Variants in TMPRSS11E observed in about 807,000 individuals in gnomAD.
The protein encoded by TMPRSS11E is transmembrane protease serine 11E.
Under a neutral mutation model 48.1 loss-of-function variants are expected in TMPRSS11E, and 38 were observed. That is an observed-to-expected ratio of 0.79 (90% CI 0.61 to 1.04). TMPRSS11E has a LOEUF of 1.04. TMPRSS11E is among the 50% of genes least tolerant of loss of function. The pLI is 0.00. For missense variants in TMPRSS11E, 530 were observed against 510.8 expected (o/e 1.04, Z -0.36); for synonymous variants, 158 against 171.9 (o/e 0.92, Z 0.63).
intron 9 of TMPRSS11E, among the ~76,000 whole-genome samples, chr4:68,483,283 C>G (rs1391073275): frequency 2.0e-5 from 3 of 152,060 alleles, no homozygotes; most frequent in Admixed American, 6.6e-5. Flanking sequence ...GTGCCACACA[C>G]TTTTAAACAA....
chr4:68,464,969 T>C (rs571540024), intron 2 of TMPRSS11E, among the ~76,000 whole-genome samples: 8 of 152,198 alleles, frequency 5.3e-5, no homozygotes, highest in Non-Finnish European at 1.2e-4. Context: ...TCTAGAAGAA[T>C]GGATACAACT....
intron 2 of TMPRSS11E, among the ~76,000 whole-genome samples, chr4:68,464,847 G>T (rs1728885237): frequency 6.6e-6 from 1 of 152,130 alleles, no homozygotes; most frequent in Admixed American, 6.5e-5. Context: ...TCACTTGCTA[G>T]CTTGTTAGAA....
intron 9 of TMPRSS11E, among the ~76,000 whole-genome samples, chr4:68,494,949 T>G (rs1226626140): frequency 6.6e-6 from 1 of 152,196 alleles, no homozygotes; most frequent in African/African-American, 2.4e-5. Flanking sequence ...GTACAGGCAC[T>G]CAGGCATTTT....
At chr4:68,486,196 T>C (rs1729546864) in intron 9 of TMPRSS11E, among the ~76,000 whole-genome samples, 1 of 152,196 alleles carries the variant, frequency 6.6e-6, no homozygotes, top group Non-Finnish European at 1.5e-5. Context: ...GGGGTTCACT[T>C]ACTCTTGTTT....
intron 1 of TMPRSS11E, among the ~76,000 whole-genome samples, chr4:68,455,362 T>A (rs1382220432): frequency 6.6e-6 from 1 of 151,962 alleles, no homozygotes; most frequent in Non-Finnish European, 1.5e-5. Flanking sequence ...CGCTGATTTT[T>A]TAACATGTGA....
rs183819799 is a variant in TMPRSS11E at position 68,474,665 on chromosome 4, C to T, written c.491-58C>T. ...GCAGCCTTTTAGTATTTGAAATACT[C>T]GGAGGCATAGTGTAACTCTGATGTG... On this transcript the variant is annotated intron_variant, in intron 5 of 9. Transcript: ENST00000305363. 3.7e-5 allele frequency: 56 copies of T among 1,494,732 alleles called. 1 individual carries two copies. The highest frequency in any genetic ancestry group is 1.7e-4 in the South Asian group (14 of 81,592). The allele number at this position is 1,494,732 out of a possible 1,614,324, so 92.6% of individuals were successfully genotyped here.
At chr4:68,454,766 G>A (rs1158242291) in intron 1 of TMPRSS11E, among the ~76,000 whole-genome samples, 1 of 151,910 alleles carries the variant, frequency 6.6e-6, no homozygotes, top group Admixed American at 6.6e-5. Flanking sequence ...CAAGGTGTCA[G>A]CATGTGGCCC....
At chr4:68,462,092 T>A in intron 2 of TMPRSS11E, 147 bp downstream of exon 2, 1 of 1,021,676 alleles carries the variant, frequency 9.8e-7, no homozygotes, top group Non-Finnish European at 1.5e-6. Flanking sequence ...CTTTCTCTCT[T>A]ATTTAGTCCT....
chr4:68,451,067 G>A (rs189465118), intron 1 of TMPRSS11E, among the ~76,000 whole-genome samples: 1 of 151,836 alleles, frequency 6.6e-6, no homozygotes, highest in Non-Finnish European at 1.5e-5. Context: ...TTCCGTATTA[G>A]CACTGAGATT....
chr4:68,477,455 T>C lies in TMPRSS11E; in HGVS notation c.794T>C (p.Val265Ala). Residue 265 changes from valine (V) to alanine (A), a missense_variant, in exon 8 of 10, where the codon GTC becomes GCC. Physicochemically the swap from Val to Ala is moderately conservative, Grantham distance 64. Coordinates refer to ENST00000305363, the MANE Select transcript of TMPRSS11E (RefSeq NM_014058.4). ...AAACGGGGTCTCCGGAGAATAATTG[T>C]CCATGAAAAATACAAACACCCATCA... ...KMKRGLRRII[V>A]HEKYKHPSHD... 6.2e-7 allele frequency: 1 copy of C among 1,614,116 alleles called. No individual in the cohort carries two copies. The highest frequency in any genetic ancestry group is 8.5e-7 in the Non-Finnish European group (1 of 1,179,984).
intron 9 of TMPRSS11E, among the ~76,000 whole-genome samples, chr4:68,485,247 A>G (rs181887479): frequency 1.3e-5 from 2 of 152,078 alleles, no homozygotes; most frequent in African/African-American, 4.8e-5. Flanking sequence ...CCCAGGTTCT[A>G]GTGATTCTCC....
chr4:68,455,048 A>G (rs1728591915), intron 1 of TMPRSS11E, among the ~76,000 whole-genome samples: 1 of 151,910 alleles, frequency 6.6e-6, no homozygotes, highest in East Asian at 1.9e-4. Context: ...CTATCTATAC[A>G]TTTGTACCCC....
intron 4 of TMPRSS11E, among the ~76,000 whole-genome samples, chr4:68,470,345 A>T (rs1729031143): frequency 6.6e-6 from 1 of 151,748 alleles, no homozygotes; most frequent in Non-Finnish European, 1.5e-5. Flanking sequence ...ATCACCACTG[A>T]TGCAAAAGAT....
At chr4:68,461,707 C>G (rs1560548730) in intron 1 of TMPRSS11E, 114 bp from the exon 2 acceptor site, 4 of 1,505,212 alleles carry the variant, frequency 2.7e-6, no homozygotes, top group African/African-American at 1.4e-5. Flanking sequence ...TAAACCCAGA[C>G]AGTACACGAC....
intron 9 of TMPRSS11E, among the ~76,000 whole-genome samples, chr4:68,488,644 T>C (rs36124964): frequency 0.51 from 76,684 of 151,642 alleles, 21,567 homozygotes; most frequent in Non-Finnish European, 0.65. Flanking sequence ...GTTAATGCCA[T>C]TCTCCTGCCT....
chr4:68,464,548 A>G (rs1341845798), intron 2 of TMPRSS11E, among the ~76,000 whole-genome samples: 1 of 152,206 alleles, frequency 6.6e-6, no homozygotes, highest in Non-Finnish European at 1.5e-5. Flanking sequence ...AACATATTTT[A>G]GTAACTACTC....
At chr4:68,484,283 C>T (rs1729491692) in intron 9 of TMPRSS11E, among the ~76,000 whole-genome samples, 1 of 152,066 alleles carries the variant, frequency 6.6e-6, no homozygotes, top group Non-Finnish European at 1.5e-5. Context: ...AACTGTTTTA[C>T]CATTTGTTTG....
chr4:68,480,326 C>T (rs189434693), intron 9 of TMPRSS11E, among the ~76,000 whole-genome samples: 7 of 152,062 alleles, frequency 4.6e-5, no homozygotes, highest in Admixed American at 2.0e-4. Flanking sequence ...TTTTTGCACT[C>T]TAGTTTCTCT....
Position 68,474,574 on chromosome 4 carries a change from C to T in TMPRSS11E, c.491-149C>T, listed in dbSNP as rs138425061. On this transcript the variant is annotated intron_variant, in intron 5 of 9. Transcript: ENST00000305363. ...CATTCTCTGCAATGTGATGATCATC[C>T]TATGTCTATGACAAGCTATGTTGCC... 1.5e-4 allele frequency: 110 copies of T among 743,204 alleles called. No homozygotes were observed. The African/African-American group carries it at 1.7e-3, about 12-fold the overall frequency. The allele number at this position is 743,204 out of a possible 1,614,324, so 46.0% of individuals were successfully genotyped here.
Sources: gnomAD v4.1 joint callset for allele counts (sites outside exome capture counted in the v4.1 genomes callset) on GRCh38, gnomAD v4.1.1 for gene constraint, MANE v1.5 for transcripts, NCBI Gene and HGNC (gene_info 2026-07-23, HGNC 2026-07-21) for gene names.